SEC14L2: variants seen among roughly 807,000 people sequenced by gnomAD.
The protein encoded by SEC14L2 is SEC14 like lipid binding 2.
A neutral mutation model predicts 56.9 loss-of-function variants in SEC14L2; 50 were observed. The observed-to-expected ratio is 0.88, with a 90% CI of 0.70 to 1.11. SEC14L2 has a LOEUF of 1.11. Ranked by LOEUF, SEC14L2 falls within the 50% of genes most tolerant of loss-of-function variation. The pLI is 0.00. For missense variants in SEC14L2, 414 were observed against 500.7 expected, an observed-to-expected ratio of 0.83 and a Z score of 1.65; for synonymous variants, 179 against 188.5, an observed-to-expected ratio of 0.95 and a Z score of 0.41.
At chr22:30,416,171 C>T in intron 10 of SEC14L2, 63 bp from the exon 11 acceptor site, 1 of 1,608,518 alleles carries the variant, frequency 6.2e-7, no homozygotes, top group Non-Finnish European at 8.5e-7. Context: ...AGCCCTGGTG[C>T]CAGGACCCCG....
chr22:30,412,564 A>G (rs1410227143), intron 8 of SEC14L2, among the ~76,000 whole-genome samples: 2 of 152,050 alleles, frequency 1.3e-5, no homozygotes, highest in Non-Finnish European at 2.9e-5. Flanking sequence ...CATAATCCCA[A>G]ACACTTTGTG....
In SEC14L2 at chr22:30,424,863, C is replaced by A. The variant is rs1046725312; in HGVS notation, c.*2456C>A. The A allele has an allele frequency of 4.4e-6, 2 of 455,370 alleles. No homozygotes were observed. Among genetic ancestry groups the A allele is most frequent in the African/African-American group, 4.0e-5 (2 of 50,034 alleles). The allele number at this position is 455,370 out of a possible 1,614,324, so 28.2% of individuals were successfully genotyped here. On this transcript the variant is annotated 3_prime_UTR_variant, in exon 12 of 12. Transcript: ENST00000615189. The stretch of plus-strand genomic sequence containing the variant: ...CTTCCTCCTGTTGTAATCACTAACC[C>A]CAACTCTGTCTCCCTTGCCCGATTC...
intron 11 of SEC14L2, 35 bp downstream of exon 11, chr22:30,416,438 C>T: frequency 1.9e-6 from 3 of 1,614,210 alleles, no homozygotes; most frequent in Non-Finnish European, 2.5e-6. Flanking sequence ...CCTTGAAGCC[C>T]CATGTCCAGC....
intron 7 of SEC14L2, among the ~76,000 whole-genome samples, chr22:30,410,236 C>G (rs1254038072): frequency 6.6e-6 from 1 of 152,206 alleles, no homozygotes; most frequent in Non-Finnish European, 1.5e-5. Flanking sequence ...GCACTCCAGC[C>G]TGGGTGACAG....
rs1934466021 is a variant in SEC14L2, at chr22:30,419,640, TTCC to T, written c.1082-2634_1082-2632del. ...GTTCTAAATCGTAAAGACCAAACACTTCCTCTTTACAGCAAATAGTGTCTAAAA... is the reference window on the plus strand; with the variant it reads ...GTTCTAAATCGTAAAGACCAAACACTTCTTTACAGCAAATAGTGTCTAAAA... On this transcript the variant is annotated intron_variant, in intron 11 of 11. Transcript: ENST00000615189. Among the ~76,000 whole-genome samples the T allele has an allele frequency of 2.0e-5, 3 of 152,302 alleles. No individual in the cohort carries two copies. In the South Asian group the frequency reaches 6.2e-4, roughly 32 times the overall value.
rs568018773 is a variant in SEC14L2 at position 30,403,055 on chromosome 22, C to T, written c.131-3287C>T. ...TCGCACCACTGCATTCCAACCTGGG[C>T]GACAGAGCAAGATTCTGTCTCAAAG... is the stretch of plus-strand genomic sequence containing the variant. On this transcript the variant is annotated intron_variant, in intron 2 of 11. Transcript: ENST00000615189. Among the ~76,000 whole-genome samples, 26 of 152,230 alleles carry T rather than the reference C, an allele frequency of 1.7e-4. No individual in the cohort carries two copies. The East Asian group carries it at 3.7e-3, about 21-fold the overall frequency.
rs769390421 is a variant in SEC14L2, at chr22:30,397,140, G to A, written c.24G>A (p.Leu8=). The A allele has an allele frequency of 6.5e-7, 1 of 1,547,662 alleles. No individual in the cohort carries two copies. The highest frequency in any genetic ancestry group is 8.7e-7 in the Non-Finnish European group (1 of 1,145,806). ...CGATGAGCGGCAGAGTCGGCGATCT[G>A]AGCCCCAGGCAGAAGGAGGCATTGG... MSGRVGD[L]SPRQKEALAK... Residue 8 remains leucine, a synonymous_variant, in exon 1 of 12, where the codon CTG becomes CTA. Coordinates refer to ENST00000615189, the MANE Select transcript of SEC14L2 (RefSeq NM_012429.5).
chr22:30,409,547 C>T (rs888234397), intron 7 of SEC14L2, 61 bp downstream of exon 7: 21 of 1,473,678 alleles, frequency 1.4e-5, no homozygotes, highest in East Asian at 4.5e-5. Flanking sequence ...AACATGACTG[C>T]GGCAGATGGA....
intron 8 of SEC14L2, among the ~76,000 whole-genome samples, chr22:30,411,762 G>A (rs1405608053): frequency 2.3e-5 from 1 of 43,214 alleles, no homozygotes; most frequent in African/African-American, 9.6e-5. Flanking sequence ...AAAAAAAAAA[G>A]GGGTCCCTTG....
intron 1 of SEC14L2, 21 bp downstream of exon 1, chr22:30,397,191 G>A (rs1460341419): frequency 1.3e-6 from 2 of 1,511,436 alleles, no homozygotes; most frequent in Non-Finnish European, 8.9e-7. Flanking sequence ...GCCCTGGCCC[G>A]GGCTCCCGCC....
chr22:30,410,328 T>C (rs1429115695), intron 7 of SEC14L2, among the ~76,000 whole-genome samples: 1 of 152,198 alleles, frequency 6.6e-6, no homozygotes, highest in Non-Finnish European at 1.5e-5. Context: ...TCACAGAGCT[T>C]TCAGTATTTA....
Position 30,397,101 on chromosome 22 carries a change from C to T in SEC14L2, c.-16C>T, listed in dbSNP as rs1933771178. The T allele has an allele frequency of 2.6e-6, 4 of 1,548,076 alleles. No individual in the cohort carries two copies. Among genetic ancestry groups the T allele is most frequent in the Non-Finnish European group, 3.5e-6 (4 of 1,145,858 alleles). ...CGCCTCCCGCCCCCAAACCCCATCC[C>T]CGCGGTTGAGCCACGATGAGCGGCA... is the stretch of plus-strand genomic sequence containing the variant. On this transcript the variant is annotated 5_prime_UTR_variant, in exon 1 of 12. Coordinates refer to ENST00000615189, the MANE Select transcript of SEC14L2 (RefSeq NM_012429.5).
In SEC14L2 at chr22:30,422,300, T is replaced by TAC. The variant is rs751271723; in HGVS notation, c.1107_1108dup (p.Ser370ThrfsTer26). 3.1e-6 allele frequency: 5 copies of TAC among 1,614,196 alleles called. No individual in the cohort carries two copies. The highest frequency in any genetic ancestry group is 4.2e-6 in the Non-Finnish European group (5 of 1,180,024). On this transcript the variant is annotated frameshift_variant, in exon 12 of 12. Transcript: ENST00000615189. LOFTEE classifies it high-confidence loss of function. ...AGATGTCCTGCGGTTTGACAACACC[T>TAC]ACAGCTTCATTCATGCCAAGAAGGT...
At chr22:30,420,226 T>G (rs1271773739) in intron 11 of SEC14L2, among the ~76,000 whole-genome samples, 1 of 152,232 alleles carries the variant, frequency 6.6e-6, no homozygotes, top group Non-Finnish European at 1.5e-5. Flanking sequence ...GTGCTGGGAT[T>G]ACAGGCGTGA....
chr22:30,410,768 G>A (rs1441061311), intron 8 of SEC14L2, 89 bp downstream of exon 8: 2 of 1,235,246 alleles, frequency 1.6e-6, no homozygotes, highest in South Asian at 2.5e-5. Context: ...AGCCACCAGG[G>A]TGAAAGCTCC....
intron 11 of SEC14L2, chr22:30,416,875 G>A (rs1165570737): frequency 2.0e-5 from 21 of 1,028,774 alleles, no homozygotes; most frequent in Non-Finnish European, 2.3e-5. Context: ...CTATGAGCAG[G>A]CAGTTTACAC....
chr22:30,415,658 G>A (rs572308933), intron 8 of SEC14L2, 101 bp from the exon 9 acceptor site: 4 of 952,358 alleles, frequency 4.2e-6, no homozygotes, highest in Admixed American at 4.2e-5. Context: ...GGGTGCAATG[G>A]ATGGGTTTTT....
chr22:30,419,952 C>A (rs1934473103), intron 11 of SEC14L2, among the ~76,000 whole-genome samples: 1 of 149,698 alleles, frequency 6.7e-6, no homozygotes, highest in Non-Finnish European at 1.5e-5. Context: ...CTTTTCTTTT[C>A]TTTTCTTTTT....
At chr22:30,406,687 G>A (rs1203521334) in intron 3 of SEC14L2, among the ~76,000 whole-genome samples, 1 of 152,056 alleles carries the variant, frequency 6.6e-6, no homozygotes, top group Non-Finnish European at 1.5e-5. Flanking sequence ...GTCCATTCAC[G>A]CTGTCGCTTA....
Sources: allele counts gnomAD v4.1 joint callset (sites outside exome capture counted in the v4.1 genomes callset), GRCh38; gene constraint gnomAD v4.1.1; transcripts MANE v1.5; gene names NCBI Gene and HGNC (gene_info 2026-07-23, HGNC 2026-07-21).